The following OPCML variants were observed in gnomAD, a reference collection of about 807,000 sequenced individuals.
The protein encoded by OPCML is opioid-binding protein/cell adhesion molecule.
OPCML carries 13 observed loss-of-function variants against 37.8 expected under a neutral mutation model. The ratio of observed to expected loss-of-function variants is 0.34; its 90% CI spans 0.22 to 0.55. OPCML has a LOEUF of 0.55. Among genes scored for constraint, OPCML ranks in the 20% least tolerant of loss-of-function variants. The pLI, the probability that OPCML is intolerant of heterozygous loss-of-function variation, is 0.91. For missense variants in OPCML, 341 were observed against 435.6 expected, an observed-to-expected ratio of 0.78 and a Z score of 1.93; for synonymous variants, 176 against 168.8, an observed-to-expected ratio of 1.04 and a Z score of -0.33.
In OPCML at chr11:133,409,418, G is replaced by T. The variant is rs184436476; in HGVS notation, c.61+122846C>A. 2.0e-3 allele frequency among the ~76,000 whole-genome samples: 307 copies of T among 152,284 alleles called. 1 individual carries two copies. Among genetic ancestry groups the T allele is most frequent in the African/African-American group, 6.8e-3 (284 of 41,562 alleles). On this transcript the variant is annotated intron_variant, in intron 1 of 7. Transcript: ENST00000524381. ...GGTGAGGTGTAAAAAGGCTAGTATTGCCAATGAGAATATTTACTCCATAAA... is the reference window on the plus strand; with the variant it reads ...GGTGAGGTGTAAAAAGGCTAGTATTTCCAATGAGAATATTTACTCCATAAA...
intron 3 of OPCML, among the ~76,000 whole-genome samples, chr11:132,562,370 C>G (rs1208923994): frequency 6.6e-6 from 1 of 151,754 alleles, no homozygotes; most frequent in African/African-American, 2.4e-5. Context: ...GGGGTATAAC[C>G]CAGAGGAGTC....
rs1216930835 is a variant in OPCML, at chr11:133,214,220, G to GT, written c.62-271211dup. On this transcript the variant is annotated intron_variant, in intron 1 of 7. Coordinates refer to ENST00000524381, the MANE Select transcript of OPCML (RefSeq NM_001012393.5). ...TGAACTGTTATTTCAGATTATGAAG[G>GT]TTTTTTTAAATTCACATTTTCAGAT... Among the ~76,000 whole-genome samples, 5 of 151,926 alleles carry GT rather than the reference G, an allele frequency of 3.3e-5. No individual in the cohort carries two copies. The East Asian group carries it at 7.7e-4, about 23-fold the overall frequency.
intron 2 of OPCML, among the ~76,000 whole-genome samples, chr11:132,904,776 C>T (rs1163215931): frequency 2.0e-5 from 3 of 152,206 alleles, no homozygotes; most frequent in Admixed American, 1.3e-4. Context: ...TAGCAGCCCG[C>T]ACCCTGGGCA....
chr11:132,940,370 G>T (rs1390545570), intron 2 of OPCML, among the ~76,000 whole-genome samples: 6 of 152,184 alleles, frequency 3.9e-5, no homozygotes, highest in Non-Finnish European at 7.3e-5. Context: ...CGTGTGATGG[G>T]CATGGGTATC....
chr11:133,199,281 TG>T (rs1442301760), intron 1 of OPCML, among the ~76,000 whole-genome samples: 1 of 152,178 alleles, frequency 6.6e-6, no homozygotes, highest in Non-Finnish European at 1.5e-5. Context: ...AAATTAGCTC[TG>T]GGGGAAAACA....
At chr11:132,742,020 A>T (rs951636492) in intron 2 of OPCML, among the ~76,000 whole-genome samples, 2 of 150,816 alleles carry the variant, frequency 1.3e-5, no homozygotes, top group African/African-American at 4.9e-5. Flanking sequence ...CAAGAGCAAA[A>T]CTCTGTCTCA....
At chr11:133,159,549 C>T (rs1592060017) in intron 1 of OPCML, among the ~76,000 whole-genome samples, 1 of 152,328 alleles carries the variant, frequency 6.6e-6, no homozygotes, top group Middle Eastern at 3.4e-3. Flanking sequence ...TTGGAATTCA[C>T]ACAGTCACTA....
intron 1 of OPCML, among the ~76,000 whole-genome samples, chr11:133,426,984 G>A (rs1946016042): frequency 6.6e-6 from 1 of 152,132 alleles, no homozygotes; most frequent in African/African-American, 2.4e-5. Context: ...AGTGTAGAAA[G>A]TAAAGCAAAC....
At chr11:132,907,771 C>A (rs1944294903) in intron 2 of OPCML, among the ~76,000 whole-genome samples, 1 of 151,912 alleles carries the variant, frequency 6.6e-6, no homozygotes, top group African/African-American at 2.4e-5. Context: ...ATCGATGCTC[C>A]AAATGCTCAC....
rs141188648 is a variant in OPCML at position 132,513,327 on chromosome 11, A to G, written c.505+15734T>C. Among the ~76,000 whole-genome samples, 4 of 152,302 alleles carry G rather than the reference A, an allele frequency of 2.6e-5. No homozygotes were observed. The East Asian group carries it at 7.7e-4, about 29-fold the overall frequency. On this transcript the variant is annotated intron_variant, in intron 4 of 7. Transcript: ENST00000524381. ...TGTGAGTGAAATAGAAAGACTGGCAAAAAAGCAACATTCAACTATTTTACT... is the reference window on the plus strand; with the variant it reads ...TGTGAGTGAAATAGAAAGACTGGCAGAAAAGCAACATTCAACTATTTTACT...
chr11:133,268,697 G>A (rs969350714), intron 1 of OPCML, among the ~76,000 whole-genome samples: 2 of 152,218 alleles, frequency 1.3e-5, no homozygotes, highest in African/African-American at 4.8e-5. Flanking sequence ...TTCCAAAACT[G>A]TGATTAGTAC....
chr11:132,868,299 T>TC (rs1942653765), intron 2 of OPCML, among the ~76,000 whole-genome samples: 1 of 131,272 alleles, frequency 7.6e-6, no homozygotes, highest in Non-Finnish European at 1.6e-5. Context: ...GGCTGTGATT[T>TC]TTTTTTTTTT....
intron 1 of OPCML, among the ~76,000 whole-genome samples, chr11:133,258,269 G>T (rs571559040): frequency 1.3e-5 from 2 of 152,156 alleles, no homozygotes; most frequent in Non-Finnish European, 2.9e-5. Flanking sequence ...AGTATAGAGT[G>T]GCAAAGATCT....
chr11:133,351,944 T>C (rs1360661393), intron 1 of OPCML, among the ~76,000 whole-genome samples: 4 of 152,216 alleles, frequency 2.6e-5, no homozygotes, highest in African/African-American at 7.2e-5. Flanking sequence ...TCTTATCTTA[T>C]ATTCAATCCA....
intron 1 of OPCML, among the ~76,000 whole-genome samples, chr11:133,225,123 C>T (rs530555114): frequency 2.0e-5 from 3 of 152,230 alleles, no homozygotes; most frequent in East Asian, 3.9e-4. Flanking sequence ...TAACTCAGCT[C>T]GTTGGGGCAT....
chr11:132,956,428 A>G (rs1254553584), intron 1 of OPCML, among the ~76,000 whole-genome samples: 3 of 152,232 alleles, frequency 2.0e-5, no homozygotes, highest in African/African-American at 7.2e-5. Context: ...GTATGTTTAC[A>G]TGATAGTGCC....
chr11:133,402,623 A>T (rs10894679), intron 1 of OPCML, among the ~76,000 whole-genome samples: 66,190 of 151,490 alleles, frequency 0.44, 15,748 homozygotes, highest in African/African-American at 0.64. Flanking sequence ...TCCTGGAGTT[A>T]TAAAAGTACC....
intron 3 of OPCML, among the ~76,000 whole-genome samples, chr11:132,583,991 T>C (rs1396812674): frequency 2.6e-5 from 4 of 152,124 alleles, no homozygotes; most frequent in Admixed American, 1.3e-4. Context: ...TTAGGAAATG[T>C]GGCATCTAAG....
chr11:132,431,538 G>A (rs2095996972), intron 7 of OPCML, among the ~76,000 whole-genome samples: 1 of 152,154 alleles, frequency 6.6e-6, no homozygotes, highest in African/African-American at 2.4e-5. Context: ...GAAGGCAACC[G>A]GTGTGATAAA....
Sources: gnomAD v4.1 joint callset for allele counts (sites outside exome capture counted in the v4.1 genomes callset) on GRCh38, gnomAD v4.1.1 for gene constraint, MANE v1.5 for transcripts, NCBI Gene and HGNC (gene_info 2026-07-23, HGNC 2026-07-21) for gene names.